Variants in ADK observed in about 807,000 individuals in gnomAD.
ADK encodes adenosine kinase.
A neutral mutation model predicts 44.7 loss-of-function variants in ADK; 24 were observed. The observed-to-expected ratio is 0.54, with a 90% CI of 0.39 to 0.76. The LOEUF (loss-of-function observed/expected upper bound fraction) is 0.76, where lower values mean the gene tolerates loss of function less well. ADK is among the 30% of genes least tolerant of loss of function. The pLI is 0.00. For synonymous variants in ADK, 128 were observed against 142.6 expected, an observed-to-expected ratio of 0.90 and a Z score of 0.73; for missense variants, 321 against 425.1, an observed-to-expected ratio of 0.76 and a Z score of 2.15.
intron 7 of ADK, among the ~76,000 whole-genome samples, chr10:74,562,808 A>G (rs1356496372): frequency 6.6e-6 from 1 of 152,224 alleles, no homozygotes; most frequent in Admixed American, 6.5e-5. Flanking sequence ...TGTCAAGTAC[A>G]AGCTGTTGTA....
At chr10:74,294,019 G>T (rs11000965) in intron 3 of ADK, among the ~76,000 whole-genome samples, 73,596 of 152,014 alleles carry the variant, frequency 0.48, 20,227 homozygotes, top group Non-Finnish European at 0.62. Context: ...TAAATATATG[G>T]AATCATATAG....
chr10:74,247,999 G>T (rs757816648), intron 3 of ADK, among the ~76,000 whole-genome samples: 2 of 152,104 alleles, frequency 1.3e-5, no homozygotes, highest in Non-Finnish European at 2.9e-5. Context: ...TATTTCTCAG[G>T]TTGAGCCTCA....
At position 74,161,441 on chromosome 10, in the gene ADK, T is replaced by A. The variant is rs141101302; in HGVS notation, c.65+10098T>A. ...AGCCAGTATGGTCTCGATCTCCTGATCTCGTGATCTACCTGCCTCAACCTC... is the reference window on the plus strand; with the variant it reads ...AGCCAGTATGGTCTCGATCTCCTGAACTCGTGATCTACCTGCCTCAACCTC... On this transcript the variant is annotated intron_variant, in intron 1 of 10. Coordinates refer to ENST00000539909, the MANE Select transcript of ADK (RefSeq NM_006721.4). Among the ~76,000 whole-genome samples the A allele has an allele frequency of 2.2e-3, 333 of 152,286 alleles. 2 individuals carry two copies. The highest frequency in any genetic ancestry group is 7.6e-3 in the African/African-American group (315 of 41,572).
intron 9 of ADK, among the ~76,000 whole-genome samples, chr10:74,635,363 C>G (rs111357296): frequency 6.6e-6 from 1 of 152,156 alleles, no homozygotes; most frequent in Non-Finnish European, 1.5e-5. Context: ...AGAATTCTAT[C>G]TCCAGCAATA....
At chr10:74,420,731 A>G (rs1844527856) in intron 6 of ADK, among the ~76,000 whole-genome samples, 1 of 152,088 alleles carries the variant, frequency 6.6e-6, no homozygotes, top group Admixed American at 6.6e-5. Flanking sequence ...CCTGTCTAGA[A>G]CTCAATAACT....
At chr10:74,244,346 G>A (rs1362729926) in intron 3 of ADK, among the ~76,000 whole-genome samples, 1 of 152,196 alleles carries the variant, frequency 6.6e-6, no homozygotes, top group East Asian at 1.9e-4. Context: ...TCAAAAAAGT[G>A]TATGGAAGAT....
At chr10:74,523,433 C>CA (rs1848917801) in intron 6 of ADK, among the ~76,000 whole-genome samples, 1 of 151,920 alleles carries the variant, frequency 6.6e-6, no homozygotes, top group Non-Finnish European at 1.5e-5. Flanking sequence ...TTAGTTTCTC[C>CA]ACCATCACTT....
At chr10:74,495,608 A>C (rs1413789212) in intron 6 of ADK, among the ~76,000 whole-genome samples, 1 of 152,218 alleles carries the variant, frequency 6.6e-6, no homozygotes, top group Non-Finnish European at 1.5e-5. Context: ...GTAAGTGTTC[A>C]CATAACCAGC....
intron 4 of ADK, among the ~76,000 whole-genome samples, chr10:74,328,972 G>C (rs1462365233): frequency 6.6e-6 from 1 of 151,206 alleles, no homozygotes; most frequent in Non-Finnish European, 1.5e-5. Flanking sequence ...CAAGTTAATG[G>C]GTGCAGCACA....
chr10:74,586,747 G>A (rs185953639), intron 7 of ADK, among the ~76,000 whole-genome samples: 2 of 151,822 alleles, frequency 1.3e-5, no homozygotes, highest in African/African-American at 4.8e-5. Context: ...CCAGCTACTC[G>A]GGAGGCTGAG....
At chr10:74,543,845 A>G (rs1175348413) in intron 7 of ADK, among the ~76,000 whole-genome samples, 1 of 150,688 alleles carries the variant, frequency 6.6e-6, no homozygotes, top group East Asian at 1.9e-4. Context: ...GATTTTAAAG[A>G]CTCTTTTATC....
At chr10:74,528,292 T>A in intron 7 of ADK, 1 of 218,932 alleles carries the variant, frequency 4.6e-6, no homozygotes, top group Non-Finnish European at 8.8e-6. Context: ...ATAAAAGTTT[T>A]AAAACTTAAA....
chr10:74,627,117 C>G (rs1233480327), intron 9 of ADK, among the ~76,000 whole-genome samples: 3 of 152,058 alleles, frequency 2.0e-5, no homozygotes, highest in Non-Finnish European at 4.4e-5. Flanking sequence ...CTTAGGCCCT[C>G]ATAGCATATA....
chr10:74,162,539 G>A (rs1841934448), intron 1 of ADK, among the ~76,000 whole-genome samples: 1 of 151,222 alleles, frequency 6.6e-6, no homozygotes, highest in African/African-American at 2.4e-5. Flanking sequence ...GTGTGTGTGT[G>A]TGTGTGTGTG....
intron 2 of ADK, among the ~76,000 whole-genome samples, chr10:74,222,607 A>G (rs1478952689): frequency 6.6e-6 from 1 of 152,194 alleles, no homozygotes; most frequent in African/African-American, 2.4e-5. Context: ...ACTTGGAACC[A>G]ACCCAAATGT....
At chr10:74,687,338 G>A (rs12360399) in intron 10 of ADK, among the ~76,000 whole-genome samples, 65,331 of 152,050 alleles carry the variant, frequency 0.43, 16,090 homozygotes, top group Middle Eastern at 0.59. Context: ...TTCCCAGCCT[G>A]TCTTTGTTTT....
At chr10:74,535,769 G>T (rs764250243) in intron 7 of ADK, among the ~76,000 whole-genome samples, 1 of 151,854 alleles carries the variant, frequency 6.6e-6, no homozygotes, top group African/African-American at 2.4e-5. Context: ...TTTTAGTAGA[G>T]ATGGGGTTTT....
At chr10:74,307,304 T>C (rs1260049179) in intron 3 of ADK, among the ~76,000 whole-genome samples, 1 of 152,234 alleles carries the variant, frequency 6.6e-6, no homozygotes, top group African/African-American at 2.4e-5. Context: ...ATTCAGCAAA[T>C]GTGTTTTGGG....
At chr10:74,417,902 T>C (rs1215529235) in intron 6 of ADK, among the ~76,000 whole-genome samples, 1 of 152,146 alleles carries the variant, frequency 6.6e-6, no homozygotes, top group African/African-American at 2.4e-5. Flanking sequence ...GCACAATATA[T>C]CAAAACATAT....
Sources: allele counts gnomAD v4.1 joint callset (sites outside exome capture counted in the v4.1 genomes callset), GRCh38; gene constraint gnomAD v4.1.1; transcripts MANE v1.5; gene names NCBI Gene and HGNC (gene_info 2026-07-23, HGNC 2026-07-21).